FAM227B: variants seen among roughly 807,000 people sequenced by gnomAD.
The protein encoded by FAM227B is family with sequence similarity 227 member B, also known as protein FAM227B.
A neutral mutation model predicts 73.8 loss-of-function variants in FAM227B; 88 were observed. That is an observed-to-expected ratio of 1.19 (90% CI 1.00 to 1.42). The LOEUF is 1.42. Ranked by LOEUF, FAM227B falls within the 40% of genes most tolerant of loss-of-function variation. FAM227B has a pLI of 0.00. For missense variants in FAM227B, 632 were observed against 590.9 expected, an observed-to-expected ratio of 1.07 and a Z score of -0.72; for synonymous variants, 210 against 190.5, an observed-to-expected ratio of 1.10 and a Z score of -0.84.
At chr15:49,514,265 T>C (rs1240089794) in intron 10 of FAM227B, among the ~76,000 whole-genome samples, 1 of 152,150 alleles carries the variant, frequency 6.6e-6, no homozygotes, top group Non-Finnish European at 1.5e-5. Flanking sequence ...TGTCCTCTCT[T>C]ATTTCCATGA....
chr15:49,571,599 G>A (rs2075110029), intron 8 of FAM227B, among the ~76,000 whole-genome samples: 1 of 151,906 alleles, frequency 6.6e-6, no homozygotes, highest in African/African-American at 2.4e-5. Flanking sequence ...AGTTATTGGA[G>A]ACTGTCCATT....
chr15:49,380,270 C>T (rs2046437184), intron 11 of FAM227B, among the ~76,000 whole-genome samples: 2 of 152,156 alleles, frequency 1.3e-5, no homozygotes, highest in Admixed American at 1.3e-4. Context: ...CCTCACCCTT[C>T]AGGGCGGCGT....
intron 13 of FAM227B, among the ~76,000 whole-genome samples, chr15:49,361,927 T>C (rs990446726): frequency 2.6e-5 from 4 of 152,214 alleles, no homozygotes; most frequent in South Asian, 4.1e-4. Flanking sequence ...GACTTTTCCA[T>C]AGTAGCCATT....
At chr15:49,508,853 A>C (rs996678535) in intron 10 of FAM227B, among the ~76,000 whole-genome samples, 3 of 152,148 alleles carry the variant, frequency 2.0e-5, no homozygotes, top group African/African-American at 4.8e-5. Flanking sequence ...ATTGTGCATT[A>C]ATAGAAAAAT....
intron 10 of FAM227B, among the ~76,000 whole-genome samples, chr15:49,517,771 C>G (rs192893157): frequency 7.2e-5 from 11 of 152,230 alleles, no homozygotes; most frequent in African/African-American, 2.6e-4. Flanking sequence ...TAACCAGCAC[C>G]TAGGAGTCCT....
rs551190716 is a variant in FAM227B, at chr15:49,466,302, T to C, written c.1012+41909A>G. On this transcript the variant is annotated intron_variant, in intron 11 of 15. Coordinates refer to ENST00000299338, the MANE Select transcript of FAM227B (RefSeq NM_152647.3). ...ATGCAATCAGTCCATGAGGCAATAT[T>C]TGGGAAGTACTTGAGTAGAGCATTC... Among the ~76,000 whole-genome samples the C allele has an allele frequency of 8.8e-4, 134 of 152,288 alleles. 5 individuals are homozygous for C. The South Asian group carries it at 0.027, about 30-fold the overall frequency.
At chr15:49,343,367 C>T (rs1424047099) in intron 13 of FAM227B, among the ~76,000 whole-genome samples, 1 of 151,930 alleles carries the variant, frequency 6.6e-6, no homozygotes, top group Non-Finnish European at 1.5e-5. Flanking sequence ...TTTTGAATTC[C>T]AGAAGCTCTG....
At chr15:49,366,055 T>C (rs1308670197) in intron 13 of FAM227B, 1 of 817,990 alleles carries the variant, frequency 1.2e-6, no homozygotes, top group Non-Finnish European at 2.2e-6. Context: ...TTCCTTTTTT[T>C]TCCCTCATTT....
intron 1 of FAM227B, among the ~76,000 whole-genome samples, chr15:49,619,452 G>T (rs2153347154): frequency 6.6e-6 from 1 of 152,256 alleles, no homozygotes; most frequent in Middle Eastern, 3.4e-3. Context: ...TTTAAGCTAA[G>T]AAGTCTGACT....
chr15:49,550,017 C>T (rs2072626287), intron 9 of FAM227B, among the ~76,000 whole-genome samples: 1 of 136,640 alleles, frequency 7.3e-6, no homozygotes, highest in Non-Finnish European at 1.7e-5. Flanking sequence ...GGGGCTGACC[C>T]CCCCACCTCC....
At chr15:49,520,241 A>C (rs1019128116) in intron 10 of FAM227B, among the ~76,000 whole-genome samples, 6 of 152,220 alleles carry the variant, frequency 3.9e-5, no homozygotes, top group Admixed American at 3.3e-4. Flanking sequence ...AAATGCTGAC[A>C]GTTAAAGCCA....
At chr15:49,354,550 A>G (rs146670804) in intron 13 of FAM227B, among the ~76,000 whole-genome samples, 2 of 152,114 alleles carry the variant, frequency 1.3e-5, no homozygotes, top group African/African-American at 2.4e-5. Context: ...GGCTTAAAAA[A>G]CGGCGCACCA....
chr15:49,612,980 T>G (rs1177426600), intron 2 of FAM227B, among the ~76,000 whole-genome samples: 1 of 152,024 alleles, frequency 6.6e-6, no homozygotes, highest in Non-Finnish European at 1.5e-5. Context: ...GAGATAGAGA[T>G]AGAATGATGG....
chr15:49,380,022 G>C lies in FAM227B; in HGVS notation c.1013-8623C>G, dbSNP rs544072663. The stretch of plus-strand genomic sequence containing the variant: ...TGGGTGGGTCCAGAGGTGCCATCCA[G>C]GAGTCAGGAACTAGTGTCAAAAACC... On this transcript the variant is annotated intron_variant, in intron 11 of 15. Coordinates refer to ENST00000299338, the MANE Select transcript of FAM227B (RefSeq NM_152647.3). 2.0e-5 allele frequency among the ~76,000 whole-genome samples: 3 copies of C among 152,260 alleles called. No individual in the cohort carries two copies. The East Asian group carries it at 5.8e-4, about 29-fold the overall frequency.
At chr15:49,551,261 G>A (rs2072964907) in intron 9 of FAM227B, among the ~76,000 whole-genome samples, 1 of 73,666 alleles carries the variant, frequency 1.4e-5, no homozygotes, top group African/African-American at 6.4e-5. Context: ...CAGCATGAGG[G>A]AGAGGGAGAG....
At chr15:49,328,878 G>A in intron 15 of FAM227B, 11 of 1,320,500 alleles carry the variant, frequency 8.3e-6, no homozygotes, top group Non-Finnish European at 9.7e-6. Context: ...CAATTCTTTT[G>A]GCCCTGAGCT....
intron 11 of FAM227B, chr15:49,396,037 C>T (rs751147945): frequency 1.8e-5 from 8 of 453,472 alleles, no homozygotes; most frequent in East Asian, 7.0e-5. Flanking sequence ...CAGCTCCCAG[C>T]GTGAGCGACG....
intron 11 of FAM227B, among the ~76,000 whole-genome samples, chr15:49,450,877 T>C (rs1371594307): frequency 1.3e-5 from 2 of 152,140 alleles, no homozygotes; most frequent in African/African-American, 2.4e-5. Flanking sequence ...TTTCCACATG[T>C]GGGCTGAACC....
intron 9 of FAM227B, among the ~76,000 whole-genome samples, chr15:49,547,948 A>G (rs1598107488): frequency 1.3e-5 from 2 of 152,236 alleles, no homozygotes; most frequent in East Asian, 3.8e-4. Context: ...AATAATGGAC[A>G]TAAATTATGC....
Sources: gnomAD v4.1 joint callset for allele counts (sites outside exome capture counted in the v4.1 genomes callset) on GRCh38, gnomAD v4.1.1 for gene constraint, MANE v1.5 for transcripts, NCBI Gene and HGNC (gene_info 2026-07-23, HGNC 2026-07-21) for gene names.